SH3BGRL: variants seen among roughly 807,000 people sequenced by gnomAD.
SH3BGRL encodes SH3 domain binding glutamate rich protein like.
In SH3BGRL, 7 loss-of-function variants were observed where a neutral mutation model predicts 9.8. The observed-to-expected ratio is 0.72, with a 90% CI of 0.41 to 1.35. SH3BGRL has a LOEUF of 1.35. Among genes scored for constraint, SH3BGRL ranks in the 40% most tolerant of loss-of-function variants. The pLI, the probability that SH3BGRL is intolerant of heterozygous loss-of-function variation, is 0.01. For synonymous variants in SH3BGRL, 36 were observed against 29.1 expected (o/e 1.24, Z -0.76); for missense variants, 73 against 84.4 (o/e 0.86, Z 0.53).
chrX:81,289,759 G>A (rs1230359676), intron 3 of SH3BGRL, among the ~76,000 whole-genome samples: 1 of 111,344 alleles, frequency 9.0e-6, no homozygotes, highest in Non-Finnish European at 1.9e-5. Context: ...TCAGGAAGCT[G>A]AGACACGAAA....
At chrX:81,231,138 ATAT>A (rs1332185391) in intron 1 of SH3BGRL, among the ~76,000 whole-genome samples, 3 of 112,378 alleles carry the variant, frequency 2.7e-5, no homozygotes, top group Admixed American at 9.4e-5. Flanking sequence ...ATAGATTTAA[ATAT>A]TATTTTAGCA....
chrX:81,229,464 A>C (rs1448262138), intron 1 of SH3BGRL, among the ~76,000 whole-genome samples: 1 of 111,546 alleles, frequency 9.0e-6, no homozygotes, highest in East Asian at 2.8e-4. Context: ...GAAGAATCGG[A>C]TCACATGTGA....
chrX:81,274,305 A>G (rs921788871), intron 1 of SH3BGRL, among the ~76,000 whole-genome samples: 24 of 111,275 alleles, frequency 2.2e-4, no homozygotes, highest in Middle Eastern at 4.6e-3. Flanking sequence ...ACATGTGCCT[A>G]TAGGTGTATA....
chrX:81,273,950 A>T (rs1274656835), intron 1 of SH3BGRL, among the ~76,000 whole-genome samples: 1 of 111,623 alleles, frequency 9.0e-6, no homozygotes, highest in Non-Finnish European at 1.9e-5. Flanking sequence ...AAAATCTAAC[A>T]TGTGGACAGA....
intron 1 of SH3BGRL, among the ~76,000 whole-genome samples, chrX:81,218,875 T>C (rs999671073): frequency 1.8e-5 from 2 of 108,418 alleles, no homozygotes; most frequent in African/African-American, 3.3e-5. Context: ...TTTGCAGATG[T>C]TATGATGTTA....
At chrX:81,262,152 C>T (rs746763868) in intron 1 of SH3BGRL, among the ~76,000 whole-genome samples, 2 of 111,101 alleles carry the variant, frequency 1.8e-5, no homozygotes, top group South Asian at 7.6e-4. Flanking sequence ...TGGTCAGAGT[C>T]CCACTATGCA....
At chrX:81,223,589 G>A (rs1257348146) in intron 1 of SH3BGRL, among the ~76,000 whole-genome samples, 1 of 110,564 alleles carries the variant, frequency 9.0e-6, no homozygotes, top group African/African-American at 3.3e-5. Context: ...AGCTTTCTGT[G>A]TATTGCTTCT....
chrX:81,258,227 C>CA (rs1375908598), intron 1 of SH3BGRL, among the ~76,000 whole-genome samples: 1 of 111,813 alleles, frequency 8.9e-6, no homozygotes, highest in East Asian at 2.8e-4. Flanking sequence ...AACATTCTTT[C>CA]AACTGTCCAT....
intron 1 of SH3BGRL, among the ~76,000 whole-genome samples, chrX:81,233,499 C>T (rs1306179440): frequency 7.2e-5 from 8 of 111,381 alleles, no homozygotes; most frequent in Non-Finnish European, 1.5e-4. Context: ...ATACCTTGCC[C>T]AAGGTTATAT....
chrX:81,215,058 T>C (rs1409021171), intron 1 of SH3BGRL, among the ~76,000 whole-genome samples: 1 of 110,989 alleles, frequency 9.0e-6, no homozygotes, highest in African/African-American at 3.3e-5. Context: ...ACTTAAGATC[T>C]GGTGAATACT....
At chrX:81,247,961 A>T (rs747736901) in intron 1 of SH3BGRL, among the ~76,000 whole-genome samples, 4 of 100,749 alleles carry the variant, frequency 4.0e-5, no homozygotes, top group Non-Finnish European at 6.1e-5. Context: ...TTTTTTTTTT[A>T]AATTACTGCT....
chrX:81,278,578 A>T (rs188028367), intron 3 of SH3BGRL, among the ~76,000 whole-genome samples, 167 bp downstream of exon 3: 2 of 112,411 alleles, frequency 1.8e-5, no homozygotes, highest in East Asian at 2.8e-4. Flanking sequence ...GGGCAGAAAG[A>T]TGTGCATAAC....
At chrX:81,288,179 G>A (rs771310129) in intron 3 of SH3BGRL, among the ~76,000 whole-genome samples, 6 of 111,757 alleles carry the variant, frequency 5.4e-5, no homozygotes, top group Admixed American at 9.5e-5. Flanking sequence ...CAGAATGAAG[G>A]ATAACAACCA....
chrX:81,267,809 C>A (rs980755894), intron 1 of SH3BGRL, among the ~76,000 whole-genome samples: 3 of 111,357 alleles, frequency 2.7e-5, no homozygotes, highest in South Asian at 3.8e-4. Context: ...CCTCTTTGTA[C>A]CTCGAGTAGA....
At chrX:81,292,189 G>A (rs1204894069) in intron 3 of SH3BGRL, among the ~76,000 whole-genome samples, 1 of 112,188 alleles carries the variant, frequency 8.9e-6, no homozygotes, top group African/African-American at 3.2e-5. Flanking sequence ...AGGGCTCCAT[G>A]CTTGCAGCAG....
At chrX:81,291,321 C>A (rs368919007) in intron 3 of SH3BGRL, among the ~76,000 whole-genome samples, 1 of 111,093 alleles carries the variant, frequency 9.0e-6, no homozygotes, top group African/African-American at 3.3e-5. Context: ...AACTTACAAT[C>A]ATGGTGGAAG....
At chrX:81,288,621 T>C (rs1360293483) in intron 3 of SH3BGRL, among the ~76,000 whole-genome samples, 1 of 112,173 alleles carries the variant, frequency 8.9e-6, no homozygotes, top group Non-Finnish European at 1.9e-5. Flanking sequence ...ACAAAGTCAG[T>C]AGCATTTCTA....
intron 1 of SH3BGRL, among the ~76,000 whole-genome samples, chrX:81,269,110 C>T (rs758566805): frequency 3.6e-5 from 4 of 111,481 alleles, no homozygotes; most frequent in African/African-American, 1.3e-4. Context: ...CTATGTTTGT[C>T]TCTGCATGTG....
At chrX:81,263,550 C>T (rs1330871803) in intron 1 of SH3BGRL, among the ~76,000 whole-genome samples, 1 of 111,832 alleles carries the variant, frequency 8.9e-6, no homozygotes, top group East Asian at 2.8e-4. Flanking sequence ...TCTTTCTTAA[C>T]TAAATGAAAT....
Sources: allele counts gnomAD v4.1 joint callset (sites outside exome capture counted in the v4.1 genomes callset), GRCh38; gene constraint gnomAD v4.1.1; transcripts MANE v1.5; gene names NCBI Gene and HGNC (gene_info 2026-07-23, HGNC 2026-07-21).